Variants in CCDC187 observed in about 807,000 individuals in gnomAD.
CCDC187 encodes the protein coiled-coil domain-containing protein 187.
Under a neutral mutation model 38.0 loss-of-function variants are expected in CCDC187, and 32 were observed. The ratio of observed to expected loss-of-function variants is 0.84; its 90% CI spans 0.64 to 1.13. The LOEUF (loss-of-function observed/expected upper bound fraction) is 1.13. CCDC187 is among the 50% of genes most tolerant of loss of function. CCDC187 has a pLI of 0.00. For synonymous variants in CCDC187, 333 were observed against 347.9 expected (o/e 0.96, Z 0.48); for missense variants, 707 against 786.8 (o/e 0.90, Z 1.21).
chr9:136,285,894 CCA>C (rs1422096063), intron 8 of CCDC187, among the ~76,000 whole-genome samples, 189 bp downstream of exon 8: 1 of 152,196 alleles, frequency 6.6e-6, no homozygotes, highest in Non-Finnish European at 1.5e-5. Flanking sequence ...AAGGATGAGC[CCA>C]CACACACCAC....
At chr9:136,294,286 G>A (rs1333699541) in intron 4 of CCDC187, among the ~76,000 whole-genome samples, 2 of 143,692 alleles carry the variant, frequency 1.4e-5, no homozygotes, top group East Asian at 2.1e-4. Flanking sequence ...CCTCACATGT[G>A]CTCTCACTCT....
At chr9:136,269,801 A>G (rs2131182564) in intron 14 of CCDC187, among the ~76,000 whole-genome samples, 1 of 152,358 alleles carries the variant, frequency 6.6e-6, no homozygotes, top group South Asian at 2.1e-4. Flanking sequence ...CCCAGGCTTG[A>G]CGTGGGTGTG....
intron 4 of CCDC187, among the ~76,000 whole-genome samples, chr9:136,293,470 T>G (rs1449309397): frequency 9.0e-6 from 1 of 110,644 alleles, no homozygotes; most frequent in African/African-American, 3.7e-5. Context: ...CACACTCACA[T>G]GCTCACACAC....
intron 18 of CCDC187, 139 bp from the exon 19 acceptor site, chr9:136,262,601 G>T: frequency 1.6e-6 from 1 of 642,000 alleles, no homozygotes; most frequent in Non-Finnish European, 1.9e-6. Context: ...CTGGGTGCCA[G>T]GCTGAGACAG....
At chr9:136,295,166 C>T (rs1333201772) in intron 4 of CCDC187, among the ~76,000 whole-genome samples, 7 of 152,234 alleles carry the variant, frequency 4.6e-5, no homozygotes, top group African/African-American at 1.2e-4. Flanking sequence ...AGCTGGGTTT[C>T]GGGGGGGACC....
At chr9:136,273,256 T>G (rs2131201798) in intron 14 of CCDC187, among the ~76,000 whole-genome samples, 1 of 152,248 alleles carries the variant, frequency 6.6e-6, no homozygotes, top group South Asian at 2.1e-4. Flanking sequence ...AAGATCCAAC[T>G]CTATGCTGCC....
At position 136,250,306 on chromosome 9, in the gene CCDC187, C is replaced by T. The variant is rs188297757; in HGVS notation, c.*3288G>A. The T allele has an allele frequency of 2.0e-3, 342 of 173,228 alleles. No individual in the cohort carries two copies. Among genetic ancestry groups the T allele is most frequent in the Non-Finnish European group, 2.9e-3 (233 of 80,142 alleles). The allele number at this position is 173,228 out of a possible 1,614,324, so 10.7% of individuals were successfully genotyped here. On this transcript the variant is annotated 3_prime_UTR_variant, in exon 26 of 26. Transcript: ENST00000638797. ...GGCACCCTACCACCTGCCAGCGACGCGAGGCACCTGCTGGGCTCCCAGGGA... is the reference window on the plus strand; with the variant it reads ...GGCACCCTACCACCTGCCAGCGACGTGAGGCACCTGCTGGGCTCCCAGGGA...
At position 136,290,911 on chromosome 9, in the gene CCDC187, G is replaced by C. The variant is rs1831309834; in HGVS notation, c.1702C>G (p.Pro568Ala). The change falls in exon 6 of 26, where the codon CCA becomes GCA. Residue 568 changes from proline (P) to alanine (A), a missense_variant. Transcript: ENST00000638797. ...LRNPLERPSP[P>A]AQRPWSSSGV... Reference sequence around the variant, plus strand: ...GAGCTGCTCCAGGGCCGCTGGGCTGGAGGACTGGGCCTTTCCAGAGGGTTC... The same window carrying C: ...GAGCTGCTCCAGGGCCGCTGGGCTGCAGGACTGGGCCTTTCCAGAGGGTTC... 2.5e-6 allele frequency: 1 copy of C among 398,494 alleles called. No homozygotes were observed. Among genetic ancestry groups the C allele is most frequent in the South Asian group, 1.3e-4 (1 of 7,860 alleles). The allele number at this position is 398,494 out of a possible 1,614,324, so 24.7% of individuals were successfully genotyped here.
In CCDC187 at chr9:136,300,297, G is replaced by A; in HGVS notation, c.647C>T (p.Ala216Val). ...ECSGFSILSAAERRVEAKASH... is the reference protein window; with the variant it reads ...ECSGFSILSAVERRVEAKASH... ...TGCCTTGGCTTCAACTCTGCGCTCA[G>A]CTGCACTCAAGATGCTGAAACCTGG... The change falls in exon 3 of 26, where the codon GCT becomes GTT. Residue 216 changes from alanine (A) to valine (V), a missense_variant. Transcript: ENST00000638797. 2.5e-6 allele frequency: 1 copy of A among 398,674 alleles called. No homozygotes were observed. Among genetic ancestry groups the A allele is most frequent in the East Asian group, 3.6e-5 (1 of 28,078 alleles). The allele number at this position is 398,674 out of a possible 1,614,324, so 24.7% of individuals were successfully genotyped here.
intron 20 of CCDC187, among the ~76,000 whole-genome samples, chr9:136,259,908 C>T (rs1424412045): frequency 4.6e-5 from 7 of 152,214 alleles, no homozygotes; most frequent in Non-Finnish European, 5.9e-5. Flanking sequence ...TGCCAGTGCA[C>T]GGGGTGGCCC....
chr9:136,279,331 T>G (rs1380691753), intron 10 of CCDC187, among the ~76,000 whole-genome samples: 1 of 152,242 alleles, frequency 6.6e-6, no homozygotes, highest in Non-Finnish European at 1.5e-5. Flanking sequence ...CTGGTGGAAG[T>G]GTTTATGTCT....
At position 136,264,458 on chromosome 9, in the gene CCDC187, A is replaced by C. The variant is rs1264368146; in HGVS notation, c.3736-660T>G. On this transcript the variant is annotated intron_variant, in intron 17 of 25. Coordinates refer to ENST00000638797, the MANE Select transcript of CCDC187 (RefSeq NM_001378188.1). The surrounding 1 kb of genome is among the most constrained non-coding windows in gnomAD (Gnocchi z 4.3). ...TGTTCTGCCAGGCCCCGTCGTTGCCATGTGACATGCAGACCCCTTCTAAGC... is the reference window on the plus strand; with the variant it reads ...TGTTCTGCCAGGCCCCGTCGTTGCCCTGTGACATGCAGACCCCTTCTAAGC... Among the ~76,000 whole-genome samples, 1 of 151,866 alleles carries C rather than the reference A, an allele frequency of 6.6e-6. No individual in the cohort carries two copies.
rs1255071498 is a variant in CCDC187, at chr9:136,250,462, T to C, written c.*3132A>G. The C allele has an allele frequency of 6.5e-6, 2 of 309,588 alleles. No homozygotes were observed. Among genetic ancestry groups the C allele is most frequent in the Non-Finnish European group, 1.3e-5 (2 of 157,830 alleles). The allele number at this position is 309,588 out of a possible 1,614,324, so 19.2% of individuals were successfully genotyped here. On this transcript the variant is annotated 3_prime_UTR_variant, in exon 26 of 26. Coordinates refer to ENST00000638797, the MANE Select transcript of CCDC187 (RefSeq NM_001378188.1). Reference sequence around the variant, plus strand: ...TCTGCGGGGCTTCAGTGGTGGAGATTTATCGTCATGCCAGATGCGTGTGTG... The same window carrying C: ...TCTGCGGGGCTTCAGTGGTGGAGATCTATCGTCATGCCAGATGCGTGTGTG...
chr9:136,277,856 C>T (rs1281161178), intron 10 of CCDC187, among the ~76,000 whole-genome samples: 1 of 152,168 alleles, frequency 6.6e-6, no homozygotes, highest in African/African-American at 2.4e-5. Flanking sequence ...AGACCAGGAT[C>T]CCCACTCCGA....
At chr9:136,260,609 C>T (rs1309346581) in intron 19 of CCDC187, among the ~76,000 whole-genome samples, 1 of 151,772 alleles carries the variant, frequency 6.6e-6, no homozygotes, top group Non-Finnish European at 1.5e-5. Context: ...CTGCCTGGGT[C>T]ACACTGCTGG....
rs1831729319 is a variant in CCDC187, at chr9:136,303,138, C to G, written c.299G>C (p.Trp100Ser). The change falls in exon 2 of 26, where the codon TGG becomes TCG. Residue 100 changes from tryptophan to serine, a missense_variant. By Grantham distance (177) the Trp-to-Ser change is radical. Transcript: ENST00000638797. ...ATCCCTAGCCTCCGGGCCTGTGGAC[C>G]ACATGGGCAGGCTGCACGCCTTCCC... ...PWGKACSLPM[W>S]STGPEARDGD... The G allele has an allele frequency of 5.0e-6, 2 of 398,558 alleles. No homozygotes were observed. The highest frequency in any genetic ancestry group is 8.8e-6 in the Non-Finnish European group (2 of 226,100). The allele number at this position is 398,558 out of a possible 1,614,324, so 24.7% of individuals were successfully genotyped here. A position where few individuals can be genotyped will look rare whatever the true frequency, so the allele number is the denominator to read the frequency against.
rs1554760424 is a variant in CCDC187, at chr9:136,257,206, C to A, written c.4367-365G>T. 6.6e-6 allele frequency among the ~76,000 whole-genome samples: 1 copy of A among 152,100 alleles called. No individual in the cohort carries two copies. Among genetic ancestry groups the A allele is most frequent in the South Asian group, 2.1e-4 (1 of 4,826 alleles). On this transcript the variant is annotated intron_variant, in intron 22 of 25. Coordinates refer to ENST00000638797, the MANE Select transcript of CCDC187 (RefSeq NM_001378188.1). The surrounding 1 kb of genome is among the most constrained non-coding windows in gnomAD (Gnocchi z 4.5). ...TGGCCAATGTAGTGAAACCCCGTCT[C>A]TACTAAAAATACAAAAATTAGGCGG...
At chr9:136,306,040 C>T (rs1319140416), upstream of CCDC187, among the ~76,000 whole-genome samples, 1 of 152,244 alleles carries the variant, frequency 6.6e-6, no homozygotes. Flanking sequence ...CCTGCCCTGC[C>T]CCCAGGAGAC....
At chr9:136,262,226 C>T (rs534611679) in intron 19 of CCDC187, 85 bp downstream of exon 19, 584 of 980,530 alleles carry the variant, frequency 6.0e-4, no homozygotes, top group Middle Eastern at 1.1e-3. Flanking sequence ...GCTCGTCCAC[C>T]GGCCACCCGG....
Sources: allele counts gnomAD v4.1 joint callset (sites outside exome capture counted in the v4.1 genomes callset), GRCh38; gene constraint gnomAD v4.1.1; non-coding constraint Gnocchi (gnomAD v3.1); transcripts MANE v1.5; gene names NCBI Gene and HGNC (gene_info 2026-07-23, HGNC 2026-07-21).